Variants in SPAG16 observed in about 807,000 individuals in gnomAD.
SPAG16 encodes sperm associated antigen 16, also known as sperm-associated antigen 16 protein.
A neutral mutation model predicts 80.4 loss-of-function variants in SPAG16; 86 were observed. The ratio of observed to expected loss-of-function variants is 1.07; its 90% CI spans 0.90 to 1.28. The LOEUF is 1.28. SPAG16 is among the 50% of genes most tolerant of loss of function. The pLI is 0.00. For missense variants in SPAG16, 870 were observed against 765.3 expected (o/e 1.14, Z -1.61); for synonymous variants, 294 against 265.9 (o/e 1.11, Z -1.03).
At chr2:213,507,950 TTGAC>T (rs2075036341) in intron 10 of SPAG16, among the ~76,000 whole-genome samples, 1 of 152,222 alleles carries the variant, frequency 6.6e-6, no homozygotes, top group Non-Finnish European at 1.5e-5. Context: ...GATTACTCAT[TTGAC>T]TGGGGCAAGA....
At position 213,820,014 on chromosome 2, in the gene SPAG16, G is replaced by T. The variant is rs1010086504; in HGVS notation, c.1071-42471G>T. On this transcript the variant is annotated intron_variant, in intron 10 of 15. Transcript: ENST00000331683. ...GATGGTCTCAAACTCCTGACCTCAG[G>T]TGATCCACCTGCCTCGGCCTCCCAA... Among the ~76,000 whole-genome samples, 74 of 151,040 alleles carry T rather than the reference G, an allele frequency of 4.9e-4. 1 individual carries two copies. Among genetic ancestry groups the T allele is most frequent in the African/African-American group, 1.8e-3 (72 of 41,100 alleles).
chr2:213,770,152 A>T (rs922848156), intron 10 of SPAG16, among the ~76,000 whole-genome samples: 4 of 152,194 alleles, frequency 2.6e-5, no homozygotes, highest in Non-Finnish European at 5.9e-5. Context: ...ATGTGTATTA[A>T]TAGGCACCTG....
chr2:213,350,232 A>T lies in SPAG16; in HGVS notation c.645-296A>T, dbSNP rs966996042. On this transcript the variant is annotated intron_variant, in intron 6 of 15. Transcript: ENST00000331683. ...GACAAAAGGAATTGCATTTTAAAAA[A>T]TTTCATGGGTAGCAGCAATCTTCTG... Among the ~76,000 whole-genome samples, 27 of 152,204 alleles carry T rather than the reference A, an allele frequency of 1.8e-4. 1 individual carries two copies. The highest frequency in any genetic ancestry group is 1.7e-3 in the Admixed American group (26 of 15,272).
intron 12 of SPAG16, among the ~76,000 whole-genome samples, chr2:213,994,408 T>C (rs2046420509): frequency 6.6e-6 from 1 of 152,172 alleles, no homozygotes; most frequent in African/African-American, 2.4e-5. Context: ...TAACAGATTC[T>C]CAAAGGATTC....
intron 2 of SPAG16, among the ~76,000 whole-genome samples, chr2:213,296,864 T>G (rs1229372639): frequency 6.6e-6 from 1 of 152,234 alleles, no homozygotes; most frequent in Admixed American, 6.5e-5. Flanking sequence ...ATTTTAATGC[T>G]CAGTGAGTTT....
At chr2:213,381,926 A>T (rs192975094) in intron 9 of SPAG16, among the ~76,000 whole-genome samples, 1 of 152,334 alleles carries the variant, frequency 6.6e-6, no homozygotes, top group East Asian at 1.9e-4. Flanking sequence ...TGTTCACCTG[A>T]AGGCTTTTCA....
At chr2:213,991,322 G>A (rs1300500755) in intron 12 of SPAG16, among the ~76,000 whole-genome samples, 3 of 152,154 alleles carry the variant, frequency 2.0e-5, no homozygotes, top group Non-Finnish European at 2.9e-5. Flanking sequence ...TTTCTGCAAA[G>A]GGCATGAACT....
chr2:214,031,817 A>G (rs1034077210), intron 13 of SPAG16, among the ~76,000 whole-genome samples: 2 of 152,010 alleles, frequency 1.3e-5, no homozygotes, highest in Non-Finnish European at 2.9e-5. Flanking sequence ...AGCAGGAGAG[A>G]GAGAGAACCA....
intron 1 of SPAG16, among the ~76,000 whole-genome samples, chr2:213,291,660 G>A (rs1487116464): frequency 6.6e-6 from 1 of 152,118 alleles, no homozygotes; most frequent in Admixed American, 6.5e-5. Flanking sequence ...GAAAAAAATA[G>A]GTGAGTTCAT....
chr2:213,609,258 G>T (rs2061366101), intron 10 of SPAG16, among the ~76,000 whole-genome samples: 1 of 152,104 alleles, frequency 6.6e-6, no homozygotes, highest in Admixed American at 6.6e-5. Flanking sequence ...TAAATTACTG[G>T]AACAGTGATT....
At chr2:213,402,158 T>A (rs369954210) in intron 9 of SPAG16, among the ~76,000 whole-genome samples, 1 of 152,066 alleles carries the variant, frequency 6.6e-6, no homozygotes, top group African/African-American at 2.4e-5. Context: ...TCATAATAGG[T>A]ATAATTTTTT....
intron 13 of SPAG16, among the ~76,000 whole-genome samples, chr2:214,031,109 T>C (rs1428615399): frequency 6.6e-6 from 1 of 152,100 alleles, no homozygotes; most frequent in African/African-American, 2.4e-5. Flanking sequence ...GATGGTGATG[T>C]ACAGATGGGT....
chr2:213,607,613 C>A (rs114569365), intron 10 of SPAG16, among the ~76,000 whole-genome samples: 1 of 152,146 alleles, frequency 6.6e-6, no homozygotes. Context: ...ATTAACTTAG[C>A]CATTGAGGAC....
At chr2:214,175,375 A>T (rs2057043146) in intron 15 of SPAG16, among the ~76,000 whole-genome samples, 1 of 149,736 alleles carries the variant, frequency 6.7e-6, no homozygotes, top group East Asian at 2.0e-4. Flanking sequence ...GAATAAAAGG[A>T]ATTGGATTGA....
chr2:213,760,467 C>T (rs1215510301), intron 10 of SPAG16, among the ~76,000 whole-genome samples: 1 of 149,196 alleles, frequency 6.7e-6, no homozygotes, highest in East Asian at 2.0e-4. Context: ...CACAGTTCCA[C>T]AGTAATAGTT....
chr2:213,481,539 A>G (rs1158964857), intron 9 of SPAG16, among the ~76,000 whole-genome samples: 1 of 152,218 alleles, frequency 6.6e-6, no homozygotes. Flanking sequence ...CCCATAAGCA[A>G]TAACTACATA....
intron 15 of SPAG16, among the ~76,000 whole-genome samples, chr2:214,193,426 TGAGAGA>T (rs55774604): frequency 0.022 from 2,963 of 136,502 alleles, 79 homozygotes; most frequent in African/African-American, 0.073. Context: ...TGTGTGTGTA[TGAGAGA>T]GAGAGAGAGA....
intron 10 of SPAG16, among the ~76,000 whole-genome samples, chr2:213,644,708 TTCTC>T (rs966880934): frequency 6.6e-6 from 1 of 151,862 alleles, no homozygotes; most frequent in Non-Finnish European, 1.5e-5. Flanking sequence ...CTTTCTCTCT[TTCTC>T]TCTCTCTCTG....
intron 10 of SPAG16, among the ~76,000 whole-genome samples, chr2:213,839,715 T>A (rs1346308234): frequency 1.3e-5 from 2 of 152,220 alleles, no homozygotes; most frequent in African/African-American, 2.4e-5. Flanking sequence ...AGTTGACATG[T>A]ACAGTATGCA....
Sources: allele counts gnomAD v4.1 joint callset (sites outside exome capture counted in the v4.1 genomes callset), GRCh38; gene constraint gnomAD v4.1.1; transcripts MANE v1.5; gene names NCBI Gene and HGNC (gene_info 2026-07-23, HGNC 2026-07-21).